Variants in CCDC6 observed in about 807,000 individuals in gnomAD.
CCDC6 encodes the protein coiled-coil domain containing 6.
CCDC6 carries 20 observed loss-of-function variants against 56.6 expected under a neutral mutation model. The observed-to-expected ratio is 0.35, with a 90% CI of 0.25 to 0.51. The LOEUF (loss-of-function observed/expected upper bound fraction) is 0.51, where lower values mean the gene tolerates loss of function less well. CCDC6 is among the 20% of genes least tolerant of loss of function. CCDC6 has a pLI of 0.95. For missense variants in CCDC6, 367 were observed against 601.1 expected, an observed-to-expected ratio of 0.61 and a Z score of 4.07; for synonymous variants, 241 against 234.4, an observed-to-expected ratio of 1.03 and a Z score of -0.26.
chr10:59,805,940 C>T (rs996648634), intron 6 of CCDC6, among the ~76,000 whole-genome samples: 1 of 152,162 alleles, frequency 6.6e-6, no homozygotes, highest in African/African-American at 2.4e-5. Context: ...ACATTGCCTA[C>T]ATGTTTTGGA....
At chr10:59,848,851 T>C (rs983076848) in intron 2 of CCDC6, among the ~76,000 whole-genome samples, 2 of 152,122 alleles carry the variant, frequency 1.3e-5, no homozygotes, top group African/African-American at 2.4e-5. Flanking sequence ...GTAGCTGAGA[T>C]TACAGGCGTG....
At chr10:59,846,141 C>A (rs898030294) in intron 2 of CCDC6, among the ~76,000 whole-genome samples, 1 of 151,984 alleles carries the variant, frequency 6.6e-6, no homozygotes, top group African/African-American at 2.4e-5. Context: ...GAAAAAGAGT[C>A]TTTCAGGGGT....
In CCDC6 at chr10:59,852,705, G is replaced by T; in HGVS notation, c.304-3C>A. On this transcript the variant is annotated splice_region_variant and splice_polypyrimidine_tract_variant and intron_variant, in intron 1 of 8. Transcript: ENST00000263102. ...TCTTCCTGCTCAGCCCTGGCTTGCT[G>T]TTTAAAAAAAAAAAAGGAAAGAACA... The T allele has an allele frequency of 2.0e-6, 3 of 1,490,874 alleles. No individual in the cohort carries two copies. The highest frequency in any genetic ancestry group is 1.8e-6 in the Non-Finnish European group (2 of 1,129,332). The allele number at this position is 1,490,874 out of a possible 1,614,324, so 92.4% of individuals were successfully genotyped here. A position where few individuals can be genotyped will look rare whatever the true frequency, so the allele number is the denominator to read the frequency against.
chr10:59,865,960 T>C (rs1001911992), intron 1 of CCDC6, among the ~76,000 whole-genome samples: 1 of 152,024 alleles, frequency 6.6e-6, no homozygotes, highest in African/African-American at 2.4e-5. Flanking sequence ...TAAGTTCCTA[T>C]GACTTCTGAC....
chr10:59,792,955 G>A lies in CCDC6; in HGVS notation c.1387C>T (p.Pro463Ser). 1 of 1,612,336 alleles carries A rather than the reference G, an allele frequency of 6.2e-7. No individual in the cohort carries two copies. The highest frequency in any genetic ancestry group is 8.5e-7 in the Non-Finnish European group (1 of 1,179,154). The stretch of plus-strand genomic sequence containing the variant: ...GAGGGGTGCGCCGAATGTTGCGAAG[G>A]AGTAGGCTGCGAGGTGGCTGCTGAG... Reference protein sequence around the residue: ...VPSAATSQPTPSQHSAHPSSQ... With the variant: ...VPSAATSQPTSSQHSAHPSSQ... The change falls in exon 9 of 9, where the codon CCT becomes TCT. Residue 463 changes from proline (P) to serine (S), a missense_variant. Physicochemically the swap from Pro to Ser is moderately conservative, Grantham distance 74. This residue lies in a region of CCDC6 where 54 missense variants were observed against 60.0 expected (regional missense o/e 0.90). Transcript: ENST00000263102.
chr10:59,906,106 C>T lies in CCDC6; in HGVS notation c.303+16G>A, dbSNP rs769707903. ...GCGGAGGTCGGCGCTGCGGCGCGTCCCCGGGGGGCACTCACGATGGTCACG... is the reference window on the plus strand; with the variant it reads ...GCGGAGGTCGGCGCTGCGGCGCGTCTCCGGGGGGCACTCACGATGGTCACG... On this transcript the variant is annotated intron_variant, in intron 1 of 8. Coordinates refer to ENST00000263102, the MANE Select transcript of CCDC6 (RefSeq NM_005436.5). The T allele has an allele frequency of 4.3e-5, 68 of 1,566,720 alleles. No homozygotes were observed. Among genetic ancestry groups the T allele is most frequent in the Non-Finnish European group, 5.7e-5 (66 of 1,154,546 alleles).
chr10:59,874,718 T>C (rs1589057755), intron 1 of CCDC6, among the ~76,000 whole-genome samples: 1 of 82,216 alleles, frequency 1.2e-5, no homozygotes, highest in Non-Finnish European at 2.4e-5. Context: ...TCCTTTAAAA[T>C]GGAAAATGGA....
intron 1 of CCDC6, among the ~76,000 whole-genome samples, chr10:59,880,772 C>T (rs1176890279): frequency 2.0e-5 from 3 of 152,218 alleles, no homozygotes; most frequent in African/African-American, 4.8e-5. Context: ...CTCTCTGAGA[C>T]ACATCTTCCA....
chr10:59,886,243 T>C (rs1195833640), intron 1 of CCDC6, among the ~76,000 whole-genome samples: 1 of 152,172 alleles, frequency 6.6e-6, no homozygotes, highest in Non-Finnish European at 1.5e-5. Context: ...CCAATTACAC[T>C]TGAATCCATT....
chr10:59,893,141 C>T (rs1477798341), intron 1 of CCDC6, among the ~76,000 whole-genome samples: 3 of 152,170 alleles, frequency 2.0e-5, no homozygotes, highest in Non-Finnish European at 4.4e-5. Flanking sequence ...AGTTCAAACA[C>T]TAGCAAAACA....
intron 3 of CCDC6, among the ~76,000 whole-genome samples, chr10:59,816,084 G>C (rs1330563169): frequency 1.3e-5 from 2 of 152,148 alleles, no homozygotes; most frequent in South Asian, 2.1e-4. Flanking sequence ...GGAGCTCACA[G>C]AGAGCAAAAG....
At chr10:59,880,338 C>T (rs566859372) in intron 1 of CCDC6, among the ~76,000 whole-genome samples, 1 of 152,226 alleles carries the variant, frequency 6.6e-6, no homozygotes, top group East Asian at 1.9e-4. Context: ...AATGGTTTTT[C>T]TGGACACTCT....
chr10:59,874,118 AACAC>A (rs55812153), intron 1 of CCDC6, among the ~76,000 whole-genome samples: 3,959 of 148,688 alleles, frequency 0.027, 71 homozygotes, highest in Middle Eastern at 0.065. Flanking sequence ...TTACCTAGCA[AACAC>A]ACACACACAC....
chr10:59,894,494 C>A (rs1477250475), intron 1 of CCDC6, among the ~76,000 whole-genome samples: 1 of 152,216 alleles, frequency 6.6e-6, no homozygotes, highest in African/African-American at 2.4e-5. Context: ...GGGCCCACCA[C>A]CAATGCCACC....
At chr10:59,804,565 T>C (rs1201741256) in intron 6 of CCDC6, 45 bp from the exon 7 acceptor site, 2 of 1,074,458 alleles carry the variant, frequency 1.9e-6, no homozygotes, top group Non-Finnish European at 2.9e-6. Flanking sequence ...TGCATTTAAA[T>C]AGGCCTTAGG....
At chr10:59,872,638 G>A (rs2071239474) in intron 1 of CCDC6, among the ~76,000 whole-genome samples, 2 of 152,230 alleles carry the variant, frequency 1.3e-5, no homozygotes, top group African/African-American at 2.4e-5. Flanking sequence ...AAAGAGGGAC[G>A]GAAGGTTTAA....
chr10:59,825,936 C>T (rs2070784221), intron 3 of CCDC6, among the ~76,000 whole-genome samples: 2 of 152,180 alleles, frequency 1.3e-5, no homozygotes, highest in Admixed American at 1.3e-4. Flanking sequence ...TTATTCTAAA[C>T]CCTGGCCTCT....
chr10:59,902,570 A>AT (rs1258128103), intron 1 of CCDC6, among the ~76,000 whole-genome samples: 5 of 151,642 alleles, frequency 3.3e-5, no homozygotes, highest in East Asian at 1.9e-4. Flanking sequence ...ATTTTTCTGT[A>AT]TTTTTTTCAG....
chr10:59,846,677 A>C (rs1204522242), intron 2 of CCDC6, among the ~76,000 whole-genome samples: 1 of 152,326 alleles, frequency 6.6e-6, no homozygotes, highest in Admixed American at 6.5e-5. Context: ...ATCCTATTTC[A>C]AATGTGAATT....
Sources: gnomAD v4.1 joint callset for allele counts (sites outside exome capture counted in the v4.1 genomes callset) on GRCh38, gnomAD v4.1.1 for gene constraint, gnomAD v4.1.1 regional missense constraint, MANE v1.5 for transcripts, NCBI Gene and HGNC (gene_info 2026-07-23, HGNC 2026-07-21) for gene names.